The following ETS1 variants were observed in gnomAD, a reference collection of about 807,000 sequenced individuals.
ETS1 encodes ETS proto-oncogene 1, transcription factor.
ETS1 carries 15 observed loss-of-function variants against 58.6 expected under a neutral mutation model. That is an observed-to-expected ratio of 0.26 (90% confidence interval 0.17 to 0.39). The LOEUF (loss-of-function observed/expected upper bound fraction) is 0.39, where lower values mean the gene tolerates loss of function less well. Ranked by LOEUF, ETS1 falls within the 10% of genes least tolerant of loss-of-function variation. The pLI is 1.00. For missense variants in ETS1, 417 were observed against 610.5 expected, an observed-to-expected ratio of 0.68 and a Z score of 3.34; for synonymous variants, 214 against 218.2, an observed-to-expected ratio of 0.98 and a Z score of 0.17.
intron 3 of ETS1, among the ~76,000 whole-genome samples, chr11:128,508,869 CT>C (rs1256996164): frequency 6.6e-6 from 1 of 152,220 alleles, no homozygotes; most frequent in Non-Finnish European, 1.5e-5. Context: ...TTCCTTAGAA[CT>C]TGTTTGCCCA....
chr11:128,462,607 G>C, intron 9 of ETS1, 31 bp from the exon 10 acceptor site: 1 of 1,586,456 alleles, frequency 6.3e-7, no homozygotes, highest in Non-Finnish European at 8.7e-7. Flanking sequence ...TAAAGGAGGA[G>C]TAGGCAAAAA....
At chr11:128,530,651 C>G (rs563710734) in intron 3 of ETS1, among the ~76,000 whole-genome samples, 2 of 152,136 alleles carry the variant, frequency 1.3e-5, no homozygotes, top group South Asian at 2.1e-4. Context: ...AGGGACCCAT[C>G]CAGGAGGGGT....
intron 2 of ETS1, among the ~76,000 whole-genome samples, chr11:128,570,453 G>C (rs1391401002): frequency 6.6e-6 from 1 of 151,858 alleles, no homozygotes; most frequent in African/African-American, 2.4e-5. Context: ...TGTTGGCCAG[G>C]CTGGTCTCAA....
chr11:128,475,615 G>A (rs995619456), intron 8 of ETS1, among the ~76,000 whole-genome samples: 2 of 144,600 alleles, frequency 1.4e-5, no homozygotes, highest in Non-Finnish European at 3.0e-5. Context: ...TGGAGTGTGC[G>A]ATCTCGGCTC....
At chr11:128,494,964 T>C (rs77836131) in intron 3 of ETS1, among the ~76,000 whole-genome samples, 6 of 152,292 alleles carry the variant, frequency 3.9e-5, no homozygotes, top group African/African-American at 1.4e-4. Context: ...TTGGGTATGG[T>C]CACACTCAAT....
intron 3 of ETS1, among the ~76,000 whole-genome samples, chr11:128,512,831 T>A (rs1863426037): frequency 6.6e-6 from 1 of 152,242 alleles, no homozygotes; most frequent in Non-Finnish European, 1.5e-5. Context: ...GAGCAGCCTA[T>A]CAAGAAGAGG....
rs1862587866 is a variant in ETS1, at chr11:128,484,980, G to A, written c.705C>T (p.Ile235=). ...ITESYQTLHP[I]SSEELLSLKY... ...TGAGGGAGAGGAGCTCTTCCGAGCT[G>A]ATGGGATGGAGCGTCTGATAGGACT... The change falls in exon 7 of 10, where the codon ATC becomes ATT. Residue 235 remains isoleucine, a synonymous_variant. Coordinates refer to ENST00000392668, the MANE Select transcript of ETS1 (RefSeq NM_001143820.2). 1.2e-6 allele frequency: 2 copies of A among 1,614,118 alleles called. No homozygotes were observed. Among genetic ancestry groups the A allele is most frequent in the Middle Eastern group, 1.6e-4 (1 of 6,062 alleles).
At chr11:128,462,956 G>C (rs759785249) in intron 9 of ETS1, among the ~76,000 whole-genome samples, 10 of 152,206 alleles carry the variant, frequency 6.6e-5, no homozygotes, top group Non-Finnish European at 1.0e-4. Context: ...TGAAGCGGAG[G>C]AGCTGAGCTG....
At chr11:128,580,608 G>A (rs1864846924) in intron 1 of ETS1, among the ~76,000 whole-genome samples, 1 of 152,190 alleles carries the variant, frequency 6.6e-6, no homozygotes, top group Non-Finnish European at 1.5e-5. Flanking sequence ...GCTTGACTAA[G>A]TAATCCAACA....
At chr11:128,548,760 T>C (rs538553910) in intron 3 of ETS1, among the ~76,000 whole-genome samples, 1 of 152,326 alleles carries the variant, frequency 6.6e-6, no homozygotes, top group African/African-American at 2.4e-5. Context: ...ACGCCCCAGC[T>C]CCGGGCCGGC....
In ETS1 at chr11:128,549,753, C is replaced by T. The variant is rs114299451; in HGVS notation, c.214+6538G>A. On this transcript the variant is annotated intron_variant, in intron 3 of 9. Coordinates refer to ENST00000392668, the MANE Select transcript of ETS1 (RefSeq NM_001143820.2). The surrounding 1 kb of genome is among the most constrained non-coding windows in gnomAD (Gnocchi z 4.3). ...AAGGCCTTTCCAAGCCCTCCTTCCT[C>T]GGGGCTGTTGGGGTCACTCCTGAGA... is the stretch of plus-strand genomic sequence containing the variant. Among the ~76,000 whole-genome samples, 1,384 of 152,236 alleles carry T rather than the reference C, an allele frequency of 9.1e-3. 20 individuals carry two copies. Among genetic ancestry groups the T allele is most frequent in the African/African-American group, 0.031 (1,279 of 41,520 alleles).
At chr11:128,576,834 C>T (rs368014277) in intron 1 of ETS1, among the ~76,000 whole-genome samples, 5 of 152,136 alleles carry the variant, frequency 3.3e-5, no homozygotes, top group East Asian at 1.9e-4. Context: ...GAATGCCCAT[C>T]CACCCTCAAG....
In ETS1 at chr11:128,465,001, G is replaced by A. The variant is rs532867339; in HGVS notation, c.1124-1374C>T. ...GTGACTTTGCTCTGAGCCACGGTTAGCGAAATGGTGGTTCTGGGTCTAGTA... is the reference window on the plus strand; with the variant it reads ...GTGACTTTGCTCTGAGCCACGGTTAACGAAATGGTGGTTCTGGGTCTAGTA... On this transcript the variant is annotated intron_variant, in intron 8 of 9. Coordinates refer to ENST00000392668, the MANE Select transcript of ETS1 (RefSeq NM_001143820.2). Among the ~76,000 whole-genome samples, 7 of 152,306 alleles carry A rather than the reference G, an allele frequency of 4.6e-5. No individual in the cohort carries two copies. In the South Asian group the frequency reaches 1.5e-3, roughly 32 times the overall value.
intron 8 of ETS1, among the ~76,000 whole-genome samples, chr11:128,475,858 T>C (rs1430550121): frequency 6.6e-6 from 1 of 150,722 alleles, no homozygotes; most frequent in African/African-American, 2.5e-5. Flanking sequence ...GCCCGGGGCT[T>C]CTTTTCCTGC....
At chr11:128,564,640 C>T (rs1864460642) in intron 2 of ETS1, among the ~76,000 whole-genome samples, 1 of 152,178 alleles carries the variant, frequency 6.6e-6, no homozygotes, top group East Asian at 1.9e-4. Flanking sequence ...TCCTGGGGAC[C>T]TGCAGTTGAC....
chr11:128,555,436 T>C (rs1864297487), intron 3 of ETS1, among the ~76,000 whole-genome samples: 1 of 152,096 alleles, frequency 6.6e-6, no homozygotes, highest in South Asian at 2.1e-4. Flanking sequence ...TTTCCCAACA[T>C]GTAAGAGTAA....
intron 3 of ETS1, among the ~76,000 whole-genome samples, chr11:128,539,442 A>G (rs1864021887): frequency 6.6e-6 from 1 of 152,256 alleles, no homozygotes; most frequent in Non-Finnish European, 1.5e-5. Context: ...AACACGTGAG[A>G]AAAGCTCAAT....
At chr11:128,543,667 T>G (rs1864088955) in intron 3 of ETS1, among the ~76,000 whole-genome samples, 1 of 152,210 alleles carries the variant, frequency 6.6e-6, no homozygotes, top group East Asian at 1.9e-4. Flanking sequence ...TCTTTCCCAC[T>G]CAATAATTTC....
At chr11:128,534,394 T>C (rs576301042) in intron 3 of ETS1, among the ~76,000 whole-genome samples, 1 of 152,304 alleles carries the variant, frequency 6.6e-6, no homozygotes, top group South Asian at 2.1e-4. Flanking sequence ...AAATTAGCAA[T>C]GAAAACAAGA....
Sources: allele counts gnomAD v4.1 joint callset (sites outside exome capture counted in the v4.1 genomes callset), GRCh38; gene constraint gnomAD v4.1.1; non-coding constraint Gnocchi (gnomAD v3.1); transcripts MANE v1.5; gene names NCBI Gene and HGNC (gene_info 2026-07-23, HGNC 2026-07-21).